Variants in ASMTL observed in about 807,000 individuals in gnomAD.
ASMTL encodes the protein acetylserotonin O-methyltransferase like.
ASMTL carries 57 observed loss-of-function variants against 60.3 expected under a neutral mutation model. The ratio of observed to expected loss-of-function variants is 0.95; its 90% CI spans 0.76 to 1.18. The LOEUF (loss-of-function observed/expected upper bound fraction) is 1.18. ASMTL is among the 50% of genes most tolerant of loss of function. The pLI, the probability that ASMTL is intolerant of heterozygous loss-of-function variation, is 0.00. For synonymous variants in ASMTL, 419 were observed against 373.0 expected, an observed-to-expected ratio of 1.12 and a Z score of -1.42; for missense variants, 981 against 852.6, an observed-to-expected ratio of 1.15 and a Z score of -1.88.
intron 1 of ASMTL, among the ~76,000 whole-genome samples, chrX:1,446,616 C>T (rs1437367267): frequency 4.0e-5 from 6 of 151,804 alleles, no homozygotes; most frequent in Non-Finnish European, 1.5e-5. Flanking sequence ...TCTCCTGCCT[C>T]AGCCTCCCAA....
At chrX:1,435,638 A>G in intron 4 of ASMTL, 56 bp downstream of exon 4, 2 of 1,571,060 alleles carry the variant, frequency 1.3e-6, no homozygotes, top group Non-Finnish European at 1.8e-6. Context: ...GCCAGATACC[A>G]CAGCTACTCT....
At position 1,444,631 on chromosome X, in the gene ASMTL, CG is replaced by C. The variant is rs767856399; in HGVS notation, c.94-2315del. Among the ~76,000 whole-genome samples the C allele has an allele frequency of 1.7e-3, 259 of 152,186 alleles. 2 individuals are homozygous for C. The highest frequency in any genetic ancestry group is 8.8e-3 in the Admixed American group (135 of 15,266). On this transcript the variant is annotated intron_variant, in intron 1 of 12. Transcript: ENST00000381317. ...TGCAGTGGGCAGGGGCAGCCTGTCC[CG>C]GGCTAACTCCTGGATCCTTTAGAGC...
chrX:1,433,802 C>T (rs1230341150), intron 5 of ASMTL, among the ~76,000 whole-genome samples: 1 of 152,118 alleles, frequency 6.6e-6, no homozygotes, highest in Non-Finnish European at 1.5e-5. Flanking sequence ...ATCCTGCACC[C>T]AGCACCCTGC....
chrX:1,412,414 G>C (rs2090064459), intron 12 of ASMTL, among the ~76,000 whole-genome samples: 1 of 152,164 alleles, frequency 6.6e-6, no homozygotes, highest in African/African-American at 2.4e-5. Flanking sequence ...TTTTAGTAGA[G>C]ACGGGGTTTC....
intron 8 of ASMTL, among the ~76,000 whole-genome samples, chrX:1,422,973 G>A (rs1399337867): frequency 6.6e-6 from 1 of 151,810 alleles, no homozygotes; most frequent in Non-Finnish European, 1.5e-5. Flanking sequence ...TTTTTTTTGA[G>A]ATGGAGTCTC....
At chrX:1,428,285 A>C (rs2090669742) in intron 6 of ASMTL, 164 bp from the exon 7 acceptor site, 16 of 468,814 alleles carry the variant, frequency 3.4e-5, no homozygotes, top group Non-Finnish European at 4.5e-5. Flanking sequence ...AAATACAAAA[A>C]ATTAGCCAGG....
chrX:1,420,449 C>G (rs1327745401), intron 9 of ASMTL, among the ~76,000 whole-genome samples: 2 of 152,226 alleles, frequency 1.3e-5, no homozygotes, highest in African/African-American at 4.8e-5. Context: ...CCCTGGGGCT[C>G]ATCTCTGCAT....
chrX:1,446,201 G>A (rs112017610), intron 1 of ASMTL, among the ~76,000 whole-genome samples: 1,898 of 152,166 alleles, frequency 0.012, 33 homozygotes, highest in African/African-American at 0.043. Context: ...TCTCTGCCTC[G>A]GCGGCCAGGC....
At chrX:1,452,925 GC>G, upstream of ASMTL, 2 of 1,123,414 alleles carry the variant, frequency 1.8e-6, no homozygotes, top group Middle Eastern at 2.9e-4. Context: ...AAAACAGGCG[GC>G]CAGAGTCCCG....
chrX:1,411,354 C>T (rs1178756941), intron 12 of ASMTL, among the ~76,000 whole-genome samples: 1 of 152,132 alleles, frequency 6.6e-6, no homozygotes, highest in East Asian at 1.9e-4. Flanking sequence ...GCAAATATTC[C>T]AGGAATTCTC....
chrX:1,432,863 C>A (rs867527369), intron 5 of ASMTL, among the ~76,000 whole-genome samples: 247 of 149,640 alleles, frequency 1.7e-3, no homozygotes, highest in East Asian at 8.0e-3. Flanking sequence ...TTTGGGCGGC[C>A]GAGGCGGATG....
intron 7 of ASMTL, 106 bp from the exon 8 acceptor site, chrX:1,425,793 G>T: frequency 8.6e-7 from 1 of 1,166,260 alleles, no homozygotes; most frequent in Non-Finnish European, 1.2e-6. Context: ...TATACAACTT[G>T]GCCATTGAGC....
At chrX:1,417,018 AACAC>A (rs1330377079) in intron 11 of ASMTL, among the ~76,000 whole-genome samples, 43 of 50,244 alleles carry the variant, frequency 8.6e-4, no homozygotes, top group African/African-American at 1.8e-3. Context: ...CAGACTCAGA[AACAC>A]ACAGAGACAC....
intron 1 of ASMTL, among the ~76,000 whole-genome samples, chrX:1,446,859 CTA>C (rs1465243533): frequency 6.6e-6 from 1 of 152,164 alleles, no homozygotes; most frequent in Non-Finnish European, 1.5e-5. Flanking sequence ...GTTTGAAAAA[CTA>C]TAGTTACCCC....
At chrX:1,444,429 G>A (rs576280632) in intron 1 of ASMTL, among the ~76,000 whole-genome samples, 6 of 152,100 alleles carry the variant, frequency 3.9e-5, no homozygotes, top group Admixed American at 6.6e-5. Flanking sequence ...GGCTGGTGTC[G>A]AACTCCTGAC....
At position 1,439,131 on chromosome X, in the gene ASMTL, G is replaced by T. The variant is rs746367030; in HGVS notation, c.239C>A (p.Ala80Asp). The T allele has an allele frequency of 1.6e-5, 26 of 1,613,890 alleles. No individual in the cohort carries two copies. The highest frequency in any genetic ancestry group is 4.5e-5 in the East Asian group (2 of 44,890). The stretch of plus-strand genomic sequence containing the variant: ...GTCCGCTCCAATGACCACGTCGGGG[G>T]CCCGCAGGTCTTTCTGTAAGAAAAC... ...ANRLYQKDLR[A>D]PDVVIGADTI... The change falls in exon 3 of 13, where the codon GCC (alanine) becomes GAC (aspartate). Residue 80 changes from alanine (A) to aspartate (D), a missense_variant. Physicochemically the swap from Ala to Asp is moderately radical, Grantham distance 126 (BLOSUM62 -2). Coordinates refer to ENST00000381317, the MANE Select transcript of ASMTL (RefSeq NM_004192.4).
Position 1,403,454 on chromosome X carries a change from C to T in ASMTL, c.1681G>A (p.Glu561Lys). The stretch of plus-strand genomic sequence containing the variant: ...GCGCGCTGCGCCACCCTCTTCTCCT[C>T]ATCCAGGAGCGTCTCCACCAGCAGC... ...GLLLVETLLD[E>K]EKRVAQRALM... Residue 561 changes from glutamate (E) to lysine (K), a missense_variant, in exon 13 of 13, where the codon GAG (glutamate) becomes AAG (lysine). Transcript: ENST00000381317. 1 of 1,613,178 alleles carries T rather than the reference C, an allele frequency of 6.2e-7. No homozygotes were observed. The highest frequency in any genetic ancestry group is 8.5e-7 in the Non-Finnish European group (1 of 1,179,848).
intron 2 of ASMTL, 108 bp downstream of exon 2, chrX:1,442,078 T>C (rs1249657832): frequency 8.3e-6 from 11 of 1,330,622 alleles, no homozygotes; most frequent in South Asian, 4.0e-5. Context: ...TGCCACCAAC[T>C]GCATCTTTTG....
chrX:1,444,358 G>A (rs771806728), intron 1 of ASMTL, among the ~76,000 whole-genome samples: 8 of 151,882 alleles, frequency 5.3e-5, no homozygotes, highest in African/African-American at 1.2e-4. Flanking sequence ...GCAGGTGGGC[G>A]CCACCACACC....
Sources: allele counts gnomAD v4.1 joint callset (sites outside exome capture counted in the v4.1 genomes callset), GRCh38; gene constraint gnomAD v4.1.1; transcripts MANE v1.5; gene names NCBI Gene and HGNC (gene_info 2026-07-23, HGNC 2026-07-21).